RAVER2: variants seen among roughly 807,000 people sequenced by gnomAD.
The protein encoded by RAVER2 is ribonucleoprotein PTB-binding 2.
A neutral mutation model predicts 78.1 loss-of-function variants in RAVER2; 46 were observed. The observed-to-expected ratio is 0.59, with a 90% CI of 0.46 to 0.75. RAVER2 has a LOEUF of 0.75. Among genes scored for constraint, RAVER2 ranks in the 30% least tolerant of loss-of-function variants. The pLI, the probability that RAVER2 is intolerant of heterozygous loss-of-function variation, is 0.00. For missense variants in RAVER2, 793 were observed against 837.5 expected (o/e 0.95, Z 0.66); for synonymous variants, 311 against 313.3 (o/e 0.99, Z 0.08).
chr1:64,826,865 G>A (rs982726249), intron 11 of RAVER2, among the ~76,000 whole-genome samples: 2 of 152,100 alleles, frequency 1.3e-5, no homozygotes, highest in Non-Finnish European at 2.9e-5. Flanking sequence ...GAGTCAGTGG[G>A]GTATACGAGG....
chr1:64,816,998 T>C (rs992824278), intron 11 of RAVER2, among the ~76,000 whole-genome samples: 1 of 152,184 alleles, frequency 6.6e-6, no homozygotes, highest in African/African-American at 2.4e-5. Flanking sequence ...TTTTGCAATC[T>C]ACTCATCTGA....
chr1:64,758,334 C>CT (rs557858447), intron 1 of RAVER2, among the ~76,000 whole-genome samples: 125 of 152,064 alleles, frequency 8.2e-4, no homozygotes, highest in African/African-American at 2.9e-3. Flanking sequence ...CAAAAAGGGA[C>CT]TTTTTTGCAG....
chr1:64,810,425 A>G (rs1338087499), intron 9 of RAVER2, among the ~76,000 whole-genome samples: 1 of 152,138 alleles, frequency 6.6e-6, no homozygotes, highest in Non-Finnish European at 1.5e-5. Context: ...CCATTTTCAC[A>G]TGGTAAAAGG....
exon 12 of RAVER2, chr1:64,832,484 T>C (rs1384408355): frequency 6.6e-6 from 1 of 152,522 alleles, no homozygotes; most frequent in East Asian, 1.9e-4. Context: ...GTTATAAGAC[T>C]GTAATTAATT....
chr1:64,819,815 T>A (rs1276218830), intron 11 of RAVER2, among the ~76,000 whole-genome samples: 2 of 152,094 alleles, frequency 1.3e-5, no homozygotes, highest in Non-Finnish European at 2.9e-5. Flanking sequence ...GCTGAATAAT[T>A]CTCTCTTAAG....
intron 5 of RAVER2, among the ~76,000 whole-genome samples, chr1:64,789,834 C>T (rs1372876605): frequency 2.6e-5 from 4 of 152,092 alleles, no homozygotes; most frequent in South Asian, 2.1e-4. Flanking sequence ...ATTGTTATAA[C>T]CTATATTAAC....
chr1:64,771,606 T>C (rs1056843044), intron 2 of RAVER2, among the ~76,000 whole-genome samples: 1 of 151,974 alleles, frequency 6.6e-6, no homozygotes, highest in East Asian at 1.9e-4. Context: ...TTGTAACACA[T>C]GTAGAAATAA....
chr1:64,757,781 A>G (rs1304946356), intron 1 of RAVER2, among the ~76,000 whole-genome samples: 1 of 152,224 alleles, frequency 6.6e-6, no homozygotes, highest in East Asian at 1.9e-4. Flanking sequence ...GTGTATATGC[A>G]CACACACAAA....
At chr1:64,800,338 A>G (rs1395629050) in intron 5 of RAVER2, among the ~76,000 whole-genome samples, 1 of 152,072 alleles carries the variant, frequency 6.6e-6, no homozygotes, top group Non-Finnish European at 1.5e-5. Context: ...GTGCTTGTGA[A>G]GTGTGACCCA....
At chr1:64,754,991 C>A (rs1012651605) in intron 1 of RAVER2, among the ~76,000 whole-genome samples, 3 of 152,194 alleles carry the variant, frequency 2.0e-5, no homozygotes, top group African/African-American at 7.2e-5. Context: ...AAGCTTATTG[C>A]TCTCTAGTCA....
At chr1:64,777,226 T>G (rs17391535) in intron 2 of RAVER2, among the ~76,000 whole-genome samples, 7,620 of 152,286 alleles carry the variant, frequency 0.05, 303 homozygotes, top group Admixed American at 0.14. Flanking sequence ...ACTTCATTTT[T>G]ATTTCAGTTA....
chr1:64,787,815 T>G (rs1373117089), intron 4 of RAVER2, among the ~76,000 whole-genome samples: 1 of 152,208 alleles, frequency 6.6e-6, no homozygotes, highest in Non-Finnish European at 1.5e-5. Flanking sequence ...TGAATTATCC[T>G]GTGTGTGGAC....
chr1:64,766,826 C>T (rs573106964), intron 1 of RAVER2, among the ~76,000 whole-genome samples: 2 of 152,186 alleles, frequency 1.3e-5, no homozygotes, highest in African/African-American at 2.4e-5. Context: ...GTATTAAATT[C>T]GTTGATTGGC....
At chr1:64,756,617 A>T (rs550792643) in intron 1 of RAVER2, among the ~76,000 whole-genome samples, 24 of 152,190 alleles carry the variant, frequency 1.6e-4, no homozygotes, top group Non-Finnish European at 2.5e-4. Context: ...CCCTGATGTT[A>T]CATCTTATAC....
chr1:64,777,623 C>G (rs1266793236), exon 3 of RAVER2: 1 of 1,595,454 alleles, frequency 6.3e-7, no homozygotes, highest in South Asian at 1.1e-5. Context: ...TATCTTCCAG[C>G]TTTTGTTACC....
chr1:64,811,006 G>A (rs965215641), intron 9 of RAVER2, among the ~76,000 whole-genome samples: 2 of 152,140 alleles, frequency 1.3e-5, no homozygotes, highest in Admixed American at 6.6e-5. Flanking sequence ...TAAAATATAT[G>A]TAGATATTAG....
At chr1:64,832,236 G>GAGTC (rs1197090608) in exon 12 of RAVER2, 4 of 152,560 alleles carry the variant, frequency 2.6e-5, no homozygotes, top group African/African-American at 9.7e-5. Context: ...GAGTCTTAAG[G>GAGTC]AGTCACAGTA....
chr1:64,751,412 G>A (rs932501312), intron 1 of RAVER2, among the ~76,000 whole-genome samples: 1 of 152,154 alleles, frequency 6.6e-6, no homozygotes, highest in Non-Finnish European at 1.5e-5. Context: ...GGAATTTAAG[G>A]AAATTGCTCC....
At chr1:64,801,869 AAAAC>A (rs1360055005) in intron 5 of RAVER2, among the ~76,000 whole-genome samples, 10 of 152,218 alleles carry the variant, frequency 6.6e-5, no homozygotes, top group African/African-American at 2.4e-4. Context: ...CTCTGTCTCA[AAAAC>A]AAACAAACAA....
Sources: allele counts gnomAD v4.1 joint callset (sites outside exome capture counted in the v4.1 genomes callset), GRCh38; gene constraint gnomAD v4.1.1; transcripts MANE v1.5; gene names NCBI Gene and HGNC (gene_info 2026-07-23, HGNC 2026-07-21).